Variants in TMEM116 observed in about 807,000 individuals in gnomAD.
TMEM116 encodes the protein transmembrane protein 116.
A neutral mutation model predicts 44.3 loss-of-function variants in TMEM116; 38 were observed. That is an observed-to-expected ratio of 0.86 (90% CI 0.66 to 1.12). The LOEUF is 1.12. Ranked by LOEUF, TMEM116 falls within the 50% of genes most tolerant of loss-of-function variation. TMEM116 has a pLI of 0.00. For synonymous variants in TMEM116, 132 were observed against 144.8 expected (o/e 0.91, Z 0.64); for missense variants, 354 against 401.7 (o/e 0.88, Z 1.01).
chr12:111,980,136 A>G (rs2075864773), intron 4 of TMEM116, among the ~76,000 whole-genome samples: 1 of 152,238 alleles, frequency 6.6e-6, no homozygotes, highest in Non-Finnish European at 1.5e-5. Flanking sequence ...ACTAATGTTT[A>G]TAGAAGCATT....
intron 4 of TMEM116, chr12:111,978,790 G>GT (rs536285042): frequency 4.2e-4 from 185 of 437,276 alleles, no homozygotes; most frequent in African/African-American, 3.4e-3. Flanking sequence ...CTCCAGAACT[G>GT]TAAGAAATAA....
chr12:111,944,766 C>G (rs988162214), intron 4 of TMEM116, among the ~76,000 whole-genome samples: 1 of 152,006 alleles, frequency 6.6e-6, no homozygotes, highest in East Asian at 1.9e-4. Context: ...TGGGACAATC[C>G]CTAAAGCTCA....
intron 3 of TMEM116, among the ~76,000 whole-genome samples, chr12:111,998,544 G>A (rs774499410): frequency 6.6e-6 from 1 of 152,194 alleles, no homozygotes; most frequent in Non-Finnish European, 1.5e-5. Flanking sequence ...GAGGCTGGGC[G>A]CAGTGGCTCA....
At chr12:111,990,027 G>A (rs936408235) in intron 4 of TMEM116, among the ~76,000 whole-genome samples, 1 of 152,040 alleles carries the variant, frequency 6.6e-6, no homozygotes, top group Admixed American at 6.6e-5. Context: ...AGGCCAAGAC[G>A]GGCAGATCAC....
At chr12:111,964,680 G>A (rs1406715672) in intron 4 of TMEM116, among the ~76,000 whole-genome samples, 1 of 152,000 alleles carries the variant, frequency 6.6e-6, no homozygotes, top group African/African-American at 2.4e-5. Context: ...TTACAATAAG[G>A]ACAAAGATTT....
At chr12:112,000,886 T>C in intron 3 of TMEM116, 1 of 429,802 alleles carries the variant, frequency 2.3e-6, no homozygotes, top group Non-Finnish European at 4.7e-6. Flanking sequence ...TGGTCTATTC[T>C]CCAGCCAATG....
chr12:111,933,086 C>T (rs1347481546), intron 9 of TMEM116, among the ~76,000 whole-genome samples: 1 of 151,904 alleles, frequency 6.6e-6, no homozygotes, highest in Non-Finnish European at 1.5e-5. Context: ...ATTAAAAATA[C>T]AAAAATTAGC....
intron 5 of TMEM116, among the ~76,000 whole-genome samples, chr12:111,939,880 CTGTGTGTGTGTGTG>C (rs61322648): frequency 1.7e-3 from 222 of 130,464 alleles, no homozygotes; most frequent in South Asian, 3.7e-3. Flanking sequence ...CTTCAAAGCT[CTGTGTGTGTGTGTG>C]TGTGTGTGTG....
chr12:111,977,973 A>G lies in TMEM116; in HGVS notation c.210+13785T>C, dbSNP rs369824311. 5.2e-4 allele frequency among the ~76,000 whole-genome samples: 79 copies of G among 152,128 alleles called. No homozygotes were observed. In the East Asian group the frequency reaches 0.014, roughly 28 times the overall value. On this transcript the variant is annotated intron_variant, in intron 4 of 10. Transcript: ENST00000552374. ...TTTTAAAATGCTCAAAACCAGAAAAAGAAAAAAAGAGGAAGATAAAGAACA... is the reference window on the plus strand; with the variant it reads ...TTTTAAAATGCTCAAAACCAGAAAAGGAAAAAAAGAGGAAGATAAAGAACA...
At chr12:111,974,351 G>A (rs1272069949) in intron 4 of TMEM116, among the ~76,000 whole-genome samples, 1 of 152,068 alleles carries the variant, frequency 6.6e-6, no homozygotes, top group Non-Finnish European at 1.5e-5. Context: ...GCAGGGGAAA[G>A]AAAGAAATAG....
intron 4 of TMEM116, among the ~76,000 whole-genome samples, chr12:111,982,421 C>T (rs1470099898): frequency 6.6e-6 from 1 of 151,790 alleles, no homozygotes; most frequent in African/African-American, 2.4e-5. Flanking sequence ...CTGCCTCAGC[C>T]TCCTGAGTAG....
intron 3 of TMEM116, among the ~76,000 whole-genome samples, chr12:112,002,494 G>A (rs913117482): frequency 2.0e-5 from 3 of 151,042 alleles, no homozygotes; most frequent in Admixed American, 6.6e-5. Flanking sequence ...GAACCTGGGC[G>A]GCAGACATTG....
intron 4 of TMEM116, among the ~76,000 whole-genome samples, chr12:111,989,393 T>C (rs565690866): frequency 6.6e-6 from 1 of 152,198 alleles, no homozygotes; most frequent in South Asian, 2.1e-4. Context: ...TTTAATTCTG[T>C]GTATTAATCC....
intron 4 of TMEM116, among the ~76,000 whole-genome samples, chr12:111,943,858 G>A (rs558122713): frequency 5.9e-5 from 9 of 152,140 alleles, no homozygotes; most frequent in African/African-American, 1.9e-4. Context: ...ACTCTAACAG[G>A]CCTACCTAAA....
At chr12:112,003,460 C>T (rs748994757) in intron 3 of TMEM116, 11 of 174,760 alleles carry the variant, frequency 6.3e-5, no homozygotes, top group African/African-American at 1.7e-4. Flanking sequence ...CCCAGCTACT[C>T]GGGAGGCTGA....
At chr12:111,957,706 C>T (rs1203289516) in intron 4 of TMEM116, among the ~76,000 whole-genome samples, 1 of 151,950 alleles carries the variant, frequency 6.6e-6, no homozygotes, top group African/African-American at 2.4e-5. Context: ...GGGGGGGCCC[C>T]TCTGCCTGGC....
intron 3 of TMEM116, among the ~76,000 whole-genome samples, chr12:111,996,507 C>T (rs1431164232): frequency 6.6e-6 from 1 of 151,846 alleles, no homozygotes; most frequent in Non-Finnish European, 1.5e-5. Flanking sequence ...ACACCCATGG[C>T]AAAAATTTTA....
At chr12:111,942,015 C>G (rs564648951) in intron 5 of TMEM116, among the ~76,000 whole-genome samples, 3 of 151,298 alleles carry the variant, frequency 2.0e-5, no homozygotes, top group African/African-American at 2.4e-5. Context: ...CTTGGCTCAC[C>G]GCAACCTCTG....
chr12:111,982,676 C>T (rs1254484362), intron 4 of TMEM116, among the ~76,000 whole-genome samples: 1 of 151,916 alleles, frequency 6.6e-6, no homozygotes, highest in Non-Finnish European at 1.5e-5. Flanking sequence ...CATGCAGATA[C>T]TGGGGAATCT....
Sources: gnomAD v4.1 joint callset for allele counts (sites outside exome capture counted in the v4.1 genomes callset) on GRCh38, gnomAD v4.1.1 for gene constraint, MANE v1.5 for transcripts, NCBI Gene and HGNC (gene_info 2026-07-23, HGNC 2026-07-21) for gene names.